The following USH2A variants were observed in gnomAD, a reference collection of about 807,000 sequenced individuals.
The protein encoded by USH2A is usherin.
USH2A carries 443 observed loss-of-function variants against 538.9 expected under a neutral mutation model. That is an observed-to-expected ratio of 0.82 (90% confidence interval 0.76 to 0.89). USH2A has a LOEUF of 0.89. Among genes scored for constraint, USH2A ranks in the 40% least tolerant of loss-of-function variants. The pLI, the probability that USH2A is intolerant of heterozygous loss-of-function variation, is 0.00. For missense variants in USH2A, 6,633 were observed against 6,324.8 expected, an observed-to-expected ratio of 1.05 and a Z score of -1.65; for synonymous variants, 2,413 against 2,273.5, an observed-to-expected ratio of 1.06 and a Z score of -1.75.
intron 30 of USH2A, among the ~76,000 whole-genome samples, chr1:216,056,968 A>C (rs967042350): frequency 6.6e-6 from 1 of 152,212 alleles, no homozygotes; most frequent in Admixed American, 6.5e-5. Context: ...GATAACCTTG[A>C]AGTATTTGTA....
At chr1:215,902,688 A>G (rs1431217160) in intron 38 of USH2A, among the ~76,000 whole-genome samples, 2 of 152,174 alleles carry the variant, frequency 1.3e-5, no homozygotes, top group Non-Finnish European at 2.9e-5. Context: ...TTATAGGAAG[A>G]AAATGCAATT....
At chr1:215,946,149 A>G (rs540676608) in intron 37 of USH2A, among the ~76,000 whole-genome samples, 42 of 152,316 alleles carry the variant, frequency 2.8e-4, no homozygotes, top group African/African-American at 9.4e-4. Context: ...GCCAACTTCT[A>G]TGTGTCATCA....
At position 216,268,597 on chromosome 1, in the gene USH2A, C is replaced by T. The variant is rs1455321323; in HGVS notation, c.1972-17499G>A. ...TTTGATGGATGTGGGGCAGTACTTG[C>T]AAAGTGAAAGGACCAATTATTTGCA... On this transcript the variant is annotated intron_variant, in intron 11 of 71. Coordinates refer to ENST00000307340, the MANE Select transcript of USH2A (RefSeq NM_206933.4). 2.6e-5 allele frequency among the ~76,000 whole-genome samples: 4 copies of T among 152,180 alleles called. No individual in the cohort carries two copies. The East Asian group carries it at 7.7e-4, about 29-fold the overall frequency.
At chr1:215,948,748 T>C (rs920159304) in intron 37 of USH2A, among the ~76,000 whole-genome samples, 2 of 152,070 alleles carry the variant, frequency 1.3e-5, no homozygotes, top group African/African-American at 2.4e-5. Context: ...TTCTAAAAAT[T>C]TCAATAAGGA....
chr1:216,121,112 T>C (rs2033129870), intron 21 of USH2A, among the ~76,000 whole-genome samples: 1 of 152,182 alleles, frequency 6.6e-6, no homozygotes, highest in East Asian at 1.9e-4. Context: ...TAGGAACAAA[T>C]CCTTTAATTA....
At chr1:216,011,301 C>G (rs978723098) in intron 32 of USH2A, among the ~76,000 whole-genome samples, 2 of 152,224 alleles carry the variant, frequency 1.3e-5, no homozygotes, top group South Asian at 4.1e-4. Flanking sequence ...CCTCTCTTTG[C>G]TTTCACTTGG....
chr1:215,954,985 T>C (rs1414393931), intron 37 of USH2A, among the ~76,000 whole-genome samples: 1 of 152,168 alleles, frequency 6.6e-6, no homozygotes, highest in Non-Finnish European at 1.5e-5. Flanking sequence ...TCTGAGTTGG[T>C]GTCTAGTCAT....
intron 64 of USH2A, 149 bp from the exon 65 acceptor site, chr1:215,650,950 A>G: frequency 1.2e-6 from 1 of 839,042 alleles, no homozygotes; most frequent in Non-Finnish European, 1.9e-6. Flanking sequence ...GCAACCTTGT[A>G]ATCACACAGG....
At chr1:215,703,426 C>T (rs1195469787) in intron 61 of USH2A, among the ~76,000 whole-genome samples, 1 of 152,218 alleles carries the variant, frequency 6.6e-6, no homozygotes, top group African/African-American at 2.4e-5. Context: ...CAGCCCTTCC[C>T]TCAGGTGCTC....
intron 37 of USH2A, among the ~76,000 whole-genome samples, chr1:215,954,156 C>T (rs1323708873): frequency 2.6e-5 from 4 of 152,220 alleles, no homozygotes; most frequent in East Asian, 3.9e-4. Context: ...ATCAGTGTGG[C>T]GATTCCTCAG....
At chr1:216,421,345 T>C (rs1280208732) in intron 2 of USH2A, among the ~76,000 whole-genome samples, 1 of 152,166 alleles carries the variant, frequency 6.6e-6, no homozygotes, top group Non-Finnish European at 1.5e-5. Context: ...ATTCAATTTA[T>C]ATTACTGAAC....
At chr1:216,383,866 CTTT>C (rs57494312) in intron 3 of USH2A, among the ~76,000 whole-genome samples, 1 of 134,920 alleles carries the variant, frequency 7.4e-6, no homozygotes, top group Non-Finnish European at 1.6e-5. Context: ...TTCTTTCTTT[CTTT>C]TTTTTTTTTT....
intron 4 of USH2A, among the ~76,000 whole-genome samples, chr1:216,331,004 A>G (rs1416136541): frequency 6.6e-6 from 1 of 152,114 alleles, no homozygotes; most frequent in Non-Finnish European, 1.5e-5. Context: ...GCTGGGTTTT[A>G]TAACCTTTAA....
chr1:216,147,312 A>G (rs2033728213), intron 21 of USH2A, among the ~76,000 whole-genome samples: 1 of 151,294 alleles, frequency 6.6e-6, no homozygotes, highest in Non-Finnish European at 1.5e-5. Context: ...TCCCCTCCTC[A>G]CACCTGGTCC....
intron 41 of USH2A, among the ~76,000 whole-genome samples, chr1:215,885,773 G>A (rs1329068215): frequency 6.6e-6 from 1 of 152,068 alleles, no homozygotes; most frequent in Non-Finnish European, 1.5e-5. Flanking sequence ...CTATTGGACT[G>A]TAATTCTTAC....
intron 21 of USH2A, among the ~76,000 whole-genome samples, chr1:216,097,851 A>G (rs1331641122): frequency 1.3e-5 from 2 of 152,208 alleles, no homozygotes; most frequent in African/African-American, 4.8e-5. Context: ...CAACAGCCCT[A>G]TGAATGATGC....
intron 64 of USH2A, among the ~76,000 whole-genome samples, chr1:215,670,349 A>G (rs1657774474): frequency 6.6e-6 from 1 of 152,212 alleles, no homozygotes; most frequent in Middle Eastern, 3.2e-3. Context: ...TGAGGTTGTT[A>G]TCACAAGAAG....
At chr1:215,717,449 T>TA (rs1273621163) in intron 61 of USH2A, among the ~76,000 whole-genome samples, 2 of 152,162 alleles carry the variant, frequency 1.3e-5, no homozygotes, top group African/African-American at 4.8e-5. Flanking sequence ...GATTCAGGAG[T>TA]ATGGGCTAGA....
At chr1:215,714,735 T>G (rs1356390119) in intron 61 of USH2A, among the ~76,000 whole-genome samples, 1 of 152,218 alleles carries the variant, frequency 6.6e-6, no homozygotes. Context: ...CAAACTGTGT[T>G]TATAACATCT....
Sources: gnomAD v4.1 joint callset for allele counts (sites outside exome capture counted in the v4.1 genomes callset) on GRCh38, gnomAD v4.1.1 for gene constraint, MANE v1.5 for transcripts, NCBI Gene and HGNC (gene_info 2026-07-23, HGNC 2026-07-21) for gene names.